ERBB2: variants seen among roughly 807,000 people sequenced by gnomAD.
ERBB2 encodes erb-b2 receptor tyrosine kinase 2.
Under a neutral mutation model 149.0 loss-of-function variants are expected in ERBB2, and 61 were observed. That is an observed-to-expected ratio of 0.41 (90% CI 0.33 to 0.51). The LOEUF (loss-of-function observed/expected upper bound fraction) is 0.51. Ranked by LOEUF, ERBB2 falls within the 20% of genes least tolerant of loss-of-function variation. The probability of loss-of-function intolerance (pLI) is 0.25; values close to 1 mark genes in which losing one functional copy is unlikely to be tolerated. For synonymous variants in ERBB2, 633 were observed against 678.8 expected, an observed-to-expected ratio of 0.93 and a Z score of 1.05; for missense variants, 1,205 against 1,655.1, an observed-to-expected ratio of 0.73 and a Z score of 4.72.
chr17:39,688,282 G>T, intron 1 of ERBB2: 1 of 347,046 alleles, frequency 2.9e-6, no homozygotes. Context: ...TTTTGAGGTA[G>T]GGCTGTTTAC....
At chr17:39,694,226 AATATATATATATATATATATATATAT>A (rs1417710622), upstream of ERBB2, among the ~76,000 whole-genome samples, 4 of 18,530 alleles carry the variant, frequency 2.2e-4, no homozygotes, top group Non-Finnish European at 3.9e-4. Context: ...AAAAAAAAAA[AATATATATATATATATATATATATAT>A]ATATATATAT....
At chr17:39,709,598 C>G in intron 4 of ERBB2, 146 bp downstream of exon 4, 1 of 1,007,640 alleles carries the variant, frequency 9.9e-7, no homozygotes, top group Non-Finnish European at 1.5e-6. Context: ...CCTGCCATCT[C>G]CCTGTGCCTC....
rs757802810 is a variant in ERBB2, at chr17:39,723,906, G to A, written c.2209-6G>A. ...TTCTCACTCATATCCTCCTCTTTCT[G>A]CCCAGGGCATCTGGATCCCTGATGG... On this transcript the variant is annotated splice_polypyrimidine_tract_variant and splice_region_variant and intron_variant, in intron 18 of 26. Coordinates refer to ENST00000269571, the MANE Select transcript of ERBB2 (RefSeq NM_004448.4). The surrounding 1 kb of genome is among the most constrained non-coding windows in gnomAD (Gnocchi z 6.2). The A allele has an allele frequency of 6.2e-6, 10 of 1,611,938 alleles. No homozygotes were observed. The Admixed American group carries it at 1.3e-4, about 21-fold the overall frequency.
chr17:39,725,557 G>T lies in ERBB2; in HGVS notation c.2726-150G>T. The T allele has an allele frequency of 8.3e-7, 1 of 1,200,170 alleles. No individual in the cohort carries two copies. The highest frequency in any genetic ancestry group is 1.2e-6 in the Non-Finnish European group (1 of 846,374). The allele number at this position is 1,200,170 out of a possible 1,614,324, so 74.3% of individuals were successfully genotyped here. ...CCTTGCAGGGTCTGTGCACTTCCCA[G>T]GATTAGGGAAAGACCGGGTAGGGTC... On this transcript the variant is annotated intron_variant, in intron 22 of 26. Coordinates refer to ENST00000269571, the MANE Select transcript of ERBB2 (RefSeq NM_004448.4). The surrounding 1 kb of genome is among the most constrained non-coding windows in gnomAD (Gnocchi z 4.6).
rs137875079 is a variant in ERBB2, at chr17:39,727,256, G to A, written c.3160-39G>A. 82 of 1,608,474 alleles carry A rather than the reference G, an allele frequency of 5.1e-5. No homozygotes were observed. The highest frequency in any genetic ancestry group is 1.9e-4 in the Middle Eastern group (1 of 5,280). Reference sequence around the variant, plus strand: ...TCCATGGAGTCCCCATCCCAGATCCGTGAGTGACCCCCATCATGACTTTCT... The same window carrying A: ...TCCATGGAGTCCCCATCCCAGATCCATGAGTGACCCCCATCATGACTTTCT... On this transcript the variant is annotated intron_variant, in intron 25 of 26. Transcript: ENST00000269571. The surrounding 1 kb of genome is among the most constrained non-coding windows in gnomAD (Gnocchi z 4.3).
chr17:39,726,703 C>T lies in ERBB2; in HGVS notation c.2970+44C>T. On this transcript the variant is annotated intron_variant, in intron 24 of 26. Coordinates refer to ENST00000269571, the MANE Select transcript of ERBB2 (RefSeq NM_004448.4). This position sits in a 1 kb window ranked among gnomAD's most constrained non-coding sequence, Gnocchi z 5.1. ...CCATCCCTGCCTGTGGCTAAGAGCA[C>T]CCTCCTGCAGAGGGTGGGAAGGAGA... 5.6e-6 allele frequency: 9 copies of T among 1,601,808 alleles called. No homozygotes were observed. Among genetic ancestry groups the T allele is most frequent in the Non-Finnish European group, 7.7e-6 (9 of 1,168,798 alleles).
chr17:39,712,533 G>A (rs1174176907), intron 9 of ERBB2, 85 bp downstream of exon 9: 12 of 1,504,094 alleles, frequency 8.0e-6, no homozygotes, highest in Admixed American at 7.5e-5. Flanking sequence ...CTTGGGGATG[G>A]CAGGAGACAG....
chr17:39,691,646 G>A (rs1220330100), upstream of ERBB2, among the ~76,000 whole-genome samples: 1 of 145,854 alleles, frequency 6.9e-6, no homozygotes, highest in East Asian at 2.0e-4. Flanking sequence ...ACCTACATAA[G>A]CTCCAGTATA....
intron 9 of ERBB2, among the ~76,000 whole-genome samples, 160 bp from the exon 10 acceptor site, chr17:39,715,126 T>C (rs1302366397): frequency 6.6e-6 from 1 of 152,200 alleles, no homozygotes; most frequent in Non-Finnish European, 1.5e-5. Flanking sequence ...GTTGCCGAAC[T>C]AAGGCCTGGG....
chr17:39,709,626 C>CT (rs542167065), intron 4 of ERBB2, among the ~76,000 whole-genome samples, 174 bp downstream of exon 4: 200 of 152,344 alleles, frequency 1.3e-3, no homozygotes, highest in Middle Eastern at 3.4e-3. Context: ...CTGGGGTTCT[C>CT]TGTCTTGTCT....
At position 39,723,172 on chromosome 17, in the gene ERBB2, T is replaced by G; in HGVS notation, c.1947-147T>G. The stretch of plus-strand genomic sequence containing the variant: ...GAGGCAGCGGGGAGCCAAGGCAGGT[T>G]TTAGAGTAGGAGAGGGTCCAAGCCT... On this transcript the variant is annotated intron_variant, in intron 16 of 26. Coordinates refer to ENST00000269571, the MANE Select transcript of ERBB2 (RefSeq NM_004448.4). This position sits in a 1 kb window ranked among gnomAD's most constrained non-coding sequence, Gnocchi z 6.2. The G allele has an allele frequency of 1.3e-6, 1 of 791,054 alleles. No individual in the cohort carries two copies. The allele number at this position is 791,054 out of a possible 1,614,324, so 49.0% of individuals were successfully genotyped here. A position where few individuals can be genotyped will look rare whatever the true frequency, so the allele number is the denominator to read the frequency against.
chr17:39,709,358 G>A lies in ERBB2; in HGVS notation c.480G>A (p.Gln160=), dbSNP rs2145472150. ...GGGTCTTGATCCAGCGGAACCCCCA[G>A]CTCTGCTACCAGGACACGATTTTGT... ...KGGVLIQRNP[Q]LCYQDTILWK... Residue 160 remains glutamine, a synonymous_variant, in exon 4 of 27, where the codon CAG becomes CAA. Transcript: ENST00000269571. The A allele has an allele frequency of 6.2e-7, 1 of 1,614,088 alleles. No homozygotes were observed.
chr17:39,716,229 C>T (rs2059116443), intron 12 of ERBB2, 72 bp from the exon 13 acceptor site: 2 of 1,482,892 alleles, frequency 1.3e-6, no homozygotes, highest in Non-Finnish European at 1.8e-6. Flanking sequence ...ATGCCCACAG[C>T]CAGTTCCCTG....
chr17:39,712,296 T>G, intron 8 of ERBB2, 26 bp from the exon 9 acceptor site: 30 of 1,002,194 alleles, frequency 3.0e-5, no homozygotes, highest in Non-Finnish European at 4.0e-5. Flanking sequence ...AGACGGCCCC[T>G]TCCCCACCCA....
chr17:39,708,256 C>T (rs1163627375), intron 2 of ERBB2, 65 bp from the exon 3 acceptor site: 2 of 1,343,494 alleles, frequency 1.5e-6, no homozygotes, highest in Non-Finnish European at 2.1e-6. Flanking sequence ...TACTGGGGAA[C>T]CCCAGGGAGG....
At chr17:39,688,103 T>C, upstream of ERBB2, 1 of 1,188,216 alleles carries the variant, frequency 8.4e-7, no homozygotes, top group Non-Finnish European at 1.1e-6. Context: ...TGTTCTTTAT[T>C]CTACTCTCCG....
Position 39,726,906 on chromosome 17 carries a change from AG to A in ERBB2, c.3064del (p.Glu1022SerfsTer38). 2 of 1,613,822 alleles carry A rather than the reference AG, an allele frequency of 1.2e-6. No individual in the cohort carries two copies. Among genetic ancestry groups the A allele is most frequent in the Non-Finnish European group, 1.7e-6 (2 of 1,179,808 alleles). On this transcript the variant is annotated frameshift_variant, in exon 25 of 27. Coordinates refer to ENST00000269571, the MANE Select transcript of ERBB2 (RefSeq NM_004448.4). LOFTEE classifies it high-confidence loss of function. The surrounding 1 kb of genome is among the most constrained non-coding windows in gnomAD (Gnocchi z 5.1). ...GACATGGGGGACCTGGTGGATGCTG[AG>A]GAGTATCTGGTACCCCAGCAGGGCT... ...DDDMGDLVDAEEYLVPQQGFF... is the reference protein window; with the variant it reads ...DDDMGDLVDAXEYLVPQQGFF...
chr17:39,717,151 AG>A (rs1321927072), intron 14 of ERBB2, 168 bp from the exon 15 acceptor site: 2 of 540,394 alleles, frequency 3.7e-6, no homozygotes, highest in Non-Finnish European at 6.3e-6. Flanking sequence ...GCCCCGAGGG[AG>A]GGGCCACAGA....
intron 7 of ERBB2, 53 bp from the exon 8 acceptor site, chr17:39,711,875 T>C (rs1405006619): frequency 6.2e-6 from 10 of 1,611,418 alleles, no homozygotes; most frequent in African/African-American, 4.0e-5. Flanking sequence ...ATGCTGCTCA[T>C]GGTGGTGCAC....
Sources: gnomAD v4.1 joint callset for allele counts (sites outside exome capture counted in the v4.1 genomes callset) on GRCh38, gnomAD v4.1.1 for gene constraint, Gnocchi (gnomAD v3.1) non-coding constraint, MANE v1.5 for transcripts, NCBI Gene and HGNC (gene_info 2026-07-23, HGNC 2026-07-21) for gene names.